PTPRK: variants seen among roughly 807,000 people sequenced by gnomAD.
The protein encoded by PTPRK is protein tyrosine phosphatase receptor type K.
A neutral mutation model predicts 178.0 loss-of-function variants in PTPRK; 75 were observed. The observed-to-expected ratio is 0.42, with a 90% CI of 0.35 to 0.51. The LOEUF is 0.51. Ranked by LOEUF, PTPRK falls within the 20% of genes least tolerant of loss-of-function variation. PTPRK has a pLI of 0.02. For synonymous variants in PTPRK, 637 were observed against 620.6 expected (o/e 1.03, Z -0.39); for missense variants, 1,441 against 1,797.8 (o/e 0.80, Z 3.59).
At chr6:128,191,709 T>G (rs1300782892) in intron 6 of PTPRK, among the ~76,000 whole-genome samples, 2 of 149,634 alleles carry the variant, frequency 1.3e-5, no homozygotes, top group Non-Finnish European at 2.9e-5. Context: ...AATCATAACT[T>G]AATAAATCTG....
Position 128,472,528 on chromosome 6 carries a change from T to G in PTPRK, c.100+47731A>C, listed in dbSNP as rs1201206599. Among the ~76,000 whole-genome samples the G allele has an allele frequency of 2.0e-5, 3 of 151,598 alleles. No individual in the cohort carries two copies. In the Admixed American group the frequency reaches 2.0e-4, roughly 10 times the overall value. The stretch of plus-strand genomic sequence containing the variant: ...TTGCGAGACTAACACAAAGAACTCC[T>G]GAATATCCCTTACCCAAGTTCACCA... On this transcript the variant is annotated intron_variant, in intron 1 of 29. Transcript: ENST00000368226.
intron 3 of PTPRK, among the ~76,000 whole-genome samples, chr6:128,279,020 T>C (rs939827812): frequency 6.6e-6 from 1 of 152,102 alleles, no homozygotes; most frequent in African/African-American, 2.4e-5. Flanking sequence ...CCAGACTGGT[T>C]TGATCTGGTC....
chr6:127,998,340 G>A (rs1038275147), intron 16 of PTPRK, among the ~76,000 whole-genome samples: 1 of 152,042 alleles, frequency 6.6e-6, no homozygotes, highest in Admixed American at 6.6e-5. Context: ...AAGGGGCAGA[G>A]AAGTACCTGC....
At chr6:128,213,846 T>TA (rs1374541731) in intron 6 of PTPRK, among the ~76,000 whole-genome samples, 2 of 152,042 alleles carry the variant, frequency 1.3e-5, no homozygotes, top group African/African-American at 4.8e-5. Context: ...AAATGAAAAA[T>TA]ATTTACACCA....
At chr6:128,066,816 A>C (rs1781852191) in intron 12 of PTPRK, among the ~76,000 whole-genome samples, 1 of 152,176 alleles carries the variant, frequency 6.6e-6, no homozygotes, top group Non-Finnish European at 1.5e-5. Context: ...CCACATACGG[A>C]ACTGCCGGTC....
intron 1 of PTPRK, among the ~76,000 whole-genome samples, chr6:128,449,063 T>C (rs1280669484): frequency 1.3e-5 from 2 of 152,068 alleles, no homozygotes; most frequent in Non-Finnish European, 2.9e-5. Flanking sequence ...GGTTTCACCA[T>C]GTTGGTCAGG....
intron 1 of PTPRK, among the ~76,000 whole-genome samples, chr6:128,507,158 C>T (rs1002436435): frequency 6.6e-6 from 1 of 152,094 alleles, no homozygotes; most frequent in Non-Finnish European, 1.5e-5. Context: ...ACACTATGCT[C>T]TATACTATGT....
At chr6:128,001,601 T>C (rs1362759635) in intron 15 of PTPRK, among the ~76,000 whole-genome samples, 1 of 152,004 alleles carries the variant, frequency 6.6e-6, no homozygotes, top group Admixed American at 6.6e-5. Context: ...AAAATTACTA[T>C]GATAATTATT....
In PTPRK at chr6:128,505,056, G is replaced by A. The variant is rs558594136; in HGVS notation, c.100+15203C>T. On this transcript the variant is annotated intron_variant, in intron 1 of 29. Transcript: ENST00000368226. ...TGTTAATGCTCCTTTTATTGAGACT[G>A]AATCTGGTCAAACAGTATACCAAAA... Among the ~76,000 whole-genome samples the A allele has an allele frequency of 3.3e-5, 5 of 150,818 alleles. No homozygotes were observed. The East Asian group carries it at 9.9e-4, about 30-fold the overall frequency.
chr6:128,129,141 T>C (rs1255968960), intron 7 of PTPRK, among the ~76,000 whole-genome samples: 1 of 152,214 alleles, frequency 6.6e-6, no homozygotes, highest in African/African-American at 2.4e-5. Context: ...GCCTTATCAA[T>C]TATCTGTTTA....
At chr6:128,359,496 A>G (rs952925235) in intron 2 of PTPRK, among the ~76,000 whole-genome samples, 1 of 152,154 alleles carries the variant, frequency 6.6e-6, no homozygotes, top group Non-Finnish European at 1.5e-5. Context: ...TCACGCCTGT[A>G]ATCCCAGCAC....
intron 7 of PTPRK, among the ~76,000 whole-genome samples, chr6:128,126,809 A>C (rs118177864): frequency 6.6e-6 from 1 of 152,330 alleles, no homozygotes; most frequent in East Asian, 1.9e-4. Context: ...ATTTTGAATC[A>C]ATTAGGTAAG....
rs116425625 is a variant in PTPRK at position 128,469,914 on chromosome 6, A to G, written c.100+50345T>C. ...GAAACTAGAATAGGCAAGGAAATGG[A>G]TCTTCCCCTACAGACTCCAGAAGGA... On this transcript the variant is annotated intron_variant, in intron 1 of 29. Coordinates refer to ENST00000368226, the MANE Select transcript of PTPRK (RefSeq NM_002844.4). 3.8e-3 allele frequency among the ~76,000 whole-genome samples: 581 copies of G among 152,254 alleles called. 3 individuals are homozygous for G. Among genetic ancestry groups the G allele is most frequent in the African/African-American group, 0.013 (544 of 41,546 alleles).
intron 3 of PTPRK, among the ~76,000 whole-genome samples, chr6:128,293,781 C>A (rs978987884): frequency 2.0e-5 from 3 of 152,028 alleles, no homozygotes; most frequent in African/African-American, 7.2e-5. Flanking sequence ...AACAATAAAA[C>A]TAACTGAGGA....
At chr6:128,166,805 A>T (rs748177697) in intron 7 of PTPRK, among the ~76,000 whole-genome samples, 7 of 151,856 alleles carry the variant, frequency 4.6e-5, no homozygotes, top group Non-Finnish European at 1.0e-4. Flanking sequence ...TTTGTGCTTT[A>T]GTAAATAACT....
At position 128,082,589 on chromosome 6, in the gene PTPRK, C is replaced by G; in HGVS notation, c.1625G>C (p.Gly542Ala). ...RSFDPAVPVA[G>A]PPQTVSNLWN... Reference sequence around the variant, plus strand: ...TAAATTTGATACAGTCTGGGGAGGTCCAGCCACTGGAACTGCAGGATCAAA... The same window carrying G: ...TAAATTTGATACAGTCTGGGGAGGTGCAGCCACTGGAACTGCAGGATCAAA... Residue 542 changes from glycine (G) to alanine (A), a missense_variant, in exon 10 of 30, where the codon GGA becomes GCA. Physicochemically the swap from Gly to Ala is moderately conservative, Grantham distance 60. Transcript: ENST00000368226. 6.2e-7 allele frequency: 1 copy of G among 1,612,474 alleles called. No individual in the cohort carries two copies. The highest frequency in any genetic ancestry group is 8.5e-7 in the Non-Finnish European group (1 of 1,179,020).
Position 127,974,478 on chromosome 6 carries a change from T to C in PTPRK, c.3970-651A>G, listed in dbSNP as rs148794687. 4.9e-3 allele frequency among the ~76,000 whole-genome samples: 743 copies of C among 152,302 alleles called. 9 individuals carry two copies. Among genetic ancestry groups the C allele is most frequent in the African/African-American group, 0.017 (713 of 41,564 alleles). On this transcript the variant is annotated intron_variant, in intron 27 of 29. Coordinates refer to ENST00000368226, the MANE Select transcript of PTPRK (RefSeq NM_002844.4). ...CTTGCTTGGTCTTCTCAATCCCAAA[T>C]AGAATGACCAACTTGTCCCAGGTTG...
At chr6:127,988,262 C>T (rs1025742704) in intron 21 of PTPRK, among the ~76,000 whole-genome samples, 2 of 147,044 alleles carry the variant, frequency 1.4e-5, no homozygotes, top group Admixed American at 6.8e-5. Flanking sequence ...CCAGAGAATG[C>T]TATCTTTATC....
chr6:128,440,833 G>C (rs1277691773), intron 1 of PTPRK, among the ~76,000 whole-genome samples: 4 of 151,954 alleles, frequency 2.6e-5, no homozygotes, highest in African/African-American at 9.7e-5. Context: ...GTAGTTCCAT[G>C]CTGATGGACG....
Sources: allele counts gnomAD v4.1 joint callset (sites outside exome capture counted in the v4.1 genomes callset), GRCh38; gene constraint gnomAD v4.1.1; transcripts MANE v1.5; gene names NCBI Gene and HGNC (gene_info 2026-07-23, HGNC 2026-07-21).